Variants in RBFOX1 observed in about 807,000 individuals in gnomAD.
RBFOX1 encodes RNA binding protein fox-1 homolog 1.
In RBFOX1, 8 loss-of-function variants were observed where a neutral mutation model predicts 57.7. That is an observed-to-expected ratio of 0.14 (90% CI 0.08 to 0.25). RBFOX1 has a LOEUF of 0.25. Among genes scored for constraint, RBFOX1 ranks in the 10% least tolerant of loss-of-function variants. RBFOX1 has a pLI of 1.00. For missense variants in RBFOX1, 611 were observed against 548.5 expected (o/e 1.11, Z -1.14); for synonymous variants, 326 against 222.4 (o/e 1.47, Z -4.15).
chr16:7,282,939 A>C (rs915936135), intron 4 of RBFOX1, among the ~76,000 whole-genome samples: 1 of 152,192 alleles, frequency 6.6e-6, no homozygotes, highest in Non-Finnish European at 1.5e-5. Flanking sequence ...TGAGTAGTCC[A>C]TCATGTGTGT....
At chr16:7,297,412 G>C (rs1209680299) in intron 4 of RBFOX1, among the ~76,000 whole-genome samples, 6 of 152,176 alleles carry the variant, frequency 3.9e-5, no homozygotes. Context: ...GGGGTAAGAT[G>C]AGGATCTGGG....
At chr16:5,766,584 C>G (rs959937481) in intron 3 of RBFOX1, among the ~76,000 whole-genome samples, 2 of 152,054 alleles carry the variant, frequency 1.3e-5, no homozygotes, top group African/African-American at 4.8e-5. Context: ...GACTCTGTCT[C>G]AAGAAACAAA....
At chr16:6,881,964 G>A (rs1603636091) in intron 3 of RBFOX1, among the ~76,000 whole-genome samples, 1 of 152,114 alleles carries the variant, frequency 6.6e-6, no homozygotes, top group Non-Finnish European at 1.5e-5. Context: ...AAGGGAACTT[G>A]GTTATGGGTT....
intron 3 of RBFOX1, among the ~76,000 whole-genome samples, chr16:6,752,560 T>C (rs117699076): frequency 0.016 from 2,368 of 152,342 alleles, 38 homozygotes; most frequent in Middle Eastern, 0.024. Flanking sequence ...TCCTAAAGAA[T>C]AGAGTGATAC....
intron 1 of RBFOX1, among the ~76,000 whole-genome samples, chr16:6,315,560 GAT>G: frequency 2.8e-5 from 2 of 72,064 alleles, no homozygotes; most frequent in South Asian, 3.8e-4. Flanking sequence ...TGGATGGATG[GAT>G]GGATGGATGG....
At chr16:5,714,830 G>A (rs1013343958) in intron 3 of RBFOX1, among the ~76,000 whole-genome samples, 1 of 152,292 alleles carries the variant, frequency 6.6e-6, no homozygotes, top group East Asian at 1.9e-4. Context: ...ACAGATGTGG[G>A]AACGGGGACT....
rs150999344 is a variant in RBFOX1, at chr16:6,930,934, C to CAT, written c.-15-121109_-15-121108dup. Reference sequence around the variant, plus strand: ...TCTTCTGTGTATTTGTATGTATATTCATATATATATATATAGTATCCCACC... The same window carrying CAT: ...TCTTCTGTGTATTTGTATGTATATTCATATATATATATATATAGTATCCCACC... On this transcript the variant is annotated intron_variant, in intron 3 of 15. Coordinates refer to ENST00000550418, the MANE Select transcript of RBFOX1 (RefSeq NM_018723.4). 9.7e-3 allele frequency among the ~76,000 whole-genome samples: 1,447 copies of CAT among 149,592 alleles called. 10 individuals are homozygous for CAT. The highest frequency in any genetic ancestry group is 0.021 in the East Asian group (108 of 5,122).
Position 6,873,280 on chromosome 16 carries a change from A to G in RBFOX1, c.-15-178777A>G, listed in dbSNP as rs980652095. On this transcript the variant is annotated intron_variant, in intron 3 of 15. Transcript: ENST00000550418. Reference sequence around the variant, plus strand: ...TTTATACATTAGTTATCTTGGTCCCAAAGCATAACTCTTTTAACACCTTGA... The same window carrying G: ...TTTATACATTAGTTATCTTGGTCCCGAAGCATAACTCTTTTAACACCTTGA... 3.9e-5 allele frequency among the ~76,000 whole-genome samples: 6 copies of G among 152,216 alleles called. No individual in the cohort carries two copies. In the South Asian group the frequency reaches 1.2e-3, roughly 32 times the overall value.
chr16:6,624,347 A>G (rs1255494516), intron 2 of RBFOX1, among the ~76,000 whole-genome samples: 1 of 151,994 alleles, frequency 6.6e-6, no homozygotes, highest in Non-Finnish European at 1.5e-5. Context: ...CCTACTTTAA[A>G]TTCTTGACAT....
intron 1 of RBFOX1, among the ~76,000 whole-genome samples, chr16:6,152,744 C>G (rs979617450): frequency 1.3e-5 from 2 of 152,304 alleles, no homozygotes; most frequent in East Asian, 3.9e-4. Flanking sequence ...ACCCATAACT[C>G]AAGCCATGGT....
At chr16:6,481,410 C>A (rs1174247676) in intron 2 of RBFOX1, among the ~76,000 whole-genome samples, 1 of 152,218 alleles carries the variant, frequency 6.6e-6, no homozygotes, top group Non-Finnish European at 1.5e-5. Context: ...GATTAAATGG[C>A]CACATGTGCT....
chr16:6,124,125 A>T (rs2096571574), intron 1 of RBFOX1, among the ~76,000 whole-genome samples: 1 of 152,130 alleles, frequency 6.6e-6, no homozygotes, highest in Non-Finnish European at 1.5e-5. Context: ...TTTTGTTTGC[A>T]CCACACAGTT....
chr16:6,819,575 T>C (rs1198343969), intron 3 of RBFOX1, among the ~76,000 whole-genome samples: 3 of 151,124 alleles, frequency 2.0e-5, no homozygotes, highest in Non-Finnish European at 4.4e-5. Context: ...TGTTGGCGTG[T>C]ATGCCTGTAA....
intron 2 of RBFOX1, among the ~76,000 whole-genome samples, chr16:5,584,783 C>T (rs567463581): frequency 6.6e-6 from 1 of 152,144 alleles, no homozygotes; most frequent in Non-Finnish European, 1.5e-5. Flanking sequence ...TTTCTTGATT[C>T]AGTGAATTGG....
chr16:5,538,492 A>G (rs925116003), intron 2 of RBFOX1, among the ~76,000 whole-genome samples: 4 of 152,180 alleles, frequency 2.6e-5, no homozygotes, highest in Non-Finnish European at 4.4e-5. Flanking sequence ...TCAATAAACA[A>G]GGGTAACACT....
At chr16:6,829,568 G>C (rs140207641) in intron 3 of RBFOX1, among the ~76,000 whole-genome samples, 1 of 150,954 alleles carries the variant, frequency 6.6e-6, no homozygotes, top group Non-Finnish European at 1.5e-5. Flanking sequence ...ACAGGTATTT[G>C]CATAATCATG....
chr16:5,487,167 T>C (rs1317864809), intron 2 of RBFOX1, among the ~76,000 whole-genome samples: 1 of 152,240 alleles, frequency 6.6e-6, no homozygotes, highest in African/African-American at 2.4e-5. Context: ...AAGCTCCTTG[T>C]GTTTTTCTTC....
At chr16:5,534,661 C>A (rs2044624933) in intron 2 of RBFOX1, among the ~76,000 whole-genome samples, 1 of 152,116 alleles carries the variant, frequency 6.6e-6, no homozygotes. Context: ...TAGATGGTGC[C>A]CACTCACACT....
At chr16:5,523,637 A>G (rs1030650576) in intron 2 of RBFOX1, among the ~76,000 whole-genome samples, 1 of 152,060 alleles carries the variant, frequency 6.6e-6, no homozygotes, top group African/African-American at 2.4e-5. Context: ...ACAAACAAAC[A>G]AACAAACAGA....
Sources: gnomAD v4.1 joint callset for allele counts (sites outside exome capture counted in the v4.1 genomes callset) on GRCh38, gnomAD v4.1.1 for gene constraint, MANE v1.5 for transcripts, NCBI Gene and HGNC (gene_info 2026-07-23, HGNC 2026-07-21) for gene names.